GMDS: variants seen among roughly 807,000 people sequenced by gnomAD.
GMDS encodes GDP-mannose 4,6-dehydratase, also known as GDP-mannose 4,6 dehydratase.
Under a neutral mutation model 49.9 loss-of-function variants are expected in GMDS, and 20 were observed. The ratio of observed to expected loss-of-function variants is 0.40; its 90% confidence interval spans 0.28 to 0.58. The LOEUF is 0.58. Ranked by LOEUF, GMDS falls within the 20% of genes least tolerant of loss-of-function variation. GMDS has a pLI of 0.42. For missense variants in GMDS, 362 were observed against 481.4 expected (o/e 0.75, Z 2.32); for synonymous variants, 177 against 178.6 (o/e 0.99, Z 0.07).
intron 7 of GMDS, among the ~76,000 whole-genome samples, chr6:1,854,378 A>C (rs1033941714): frequency 5.3e-5 from 8 of 152,246 alleles, no homozygotes; most frequent in Non-Finnish European, 1.2e-4. Flanking sequence ...TGTTGTAAAC[A>C]CCAAAACACA....
In GMDS at chr6:1,784,748, G is replaced by A. The variant is rs142162875; in HGVS notation, c.772-42162C>T. Among the ~76,000 whole-genome samples, 612 of 152,266 alleles carry A rather than the reference G, an allele frequency of 4.0e-3. 3 individuals carry two copies. Among genetic ancestry groups the A allele is most frequent in the Non-Finnish European group, 6.0e-3 (410 of 68,014 alleles). On this transcript the variant is annotated intron_variant, in intron 7 of 10. Transcript: ENST00000380815. ...GTGTGGCTGGCTCATGCTTCTTTTG[G>A]ATGGAACACTGAACTAAGGCTGACC...
At chr6:2,190,837 G>A (rs1414999172) in intron 1 of GMDS, among the ~76,000 whole-genome samples, 3 of 152,162 alleles carry the variant, frequency 2.0e-5, no homozygotes, top group Admixed American at 1.3e-4. Flanking sequence ...GGCTGCAGGA[G>A]CAGCAATGGC....
chr6:1,760,502 G>C (rs1768116025), intron 7 of GMDS, among the ~76,000 whole-genome samples: 1 of 152,154 alleles, frequency 6.6e-6, no homozygotes, highest in Non-Finnish European at 1.5e-5. Context: ...TACACCAGAG[G>C]AGGAGGAGTA....
At chr6:2,080,407 T>C (rs1048769074) in intron 4 of GMDS, among the ~76,000 whole-genome samples, 1 of 152,202 alleles carries the variant, frequency 6.6e-6, no homozygotes, top group Non-Finnish European at 1.5e-5. Flanking sequence ...TGCATCCTTA[T>C]GTTGCTACTT....
In GMDS at chr6:2,065,332, G is replaced by A. The variant is rs566510875; in HGVS notation, c.345+50439C>T. ...ACCACAAAGACGGGGAAAAAACACA[G>A]CAGAAAAACTGGAAACTCTAAAAAG... On this transcript the variant is annotated intron_variant, in intron 4 of 10. Coordinates refer to ENST00000380815, the MANE Select transcript of GMDS (RefSeq NM_001500.4). Among the ~76,000 whole-genome samples, 174 of 152,222 alleles carry A rather than the reference G, an allele frequency of 1.1e-3. 2 individuals carry two copies. In the East Asian group the frequency reaches 0.018, roughly 16 times the overall value.
chr6:2,045,871 G>A (rs577805514), intron 4 of GMDS, among the ~76,000 whole-genome samples: 1 of 152,176 alleles, frequency 6.6e-6, no homozygotes, highest in Admixed American at 6.5e-5. Context: ...TGAAGGCTAC[G>A]GGTCACTAAA....
intron 4 of GMDS, among the ~76,000 whole-genome samples, chr6:1,987,035 C>T (rs1044410171): frequency 2.0e-5 from 3 of 152,106 alleles, no homozygotes; most frequent in African/African-American, 4.8e-5. Context: ...TTTGAGGCAA[C>T]GTTGTACCCT....
chr6:1,952,213 G>A (rs1163337739), intron 6 of GMDS: 2 of 153,714 alleles, frequency 1.3e-5, no homozygotes, highest in Non-Finnish European at 2.9e-5. Flanking sequence ...ACAGGTGGAT[G>A]TTAACTGGCT....
At chr6:1,822,203 A>C (rs1770930597) in intron 7 of GMDS, among the ~76,000 whole-genome samples, 1 of 152,222 alleles carries the variant, frequency 6.6e-6, no homozygotes, top group Non-Finnish European at 1.5e-5. Context: ...TTTCTGACCC[A>C]ACTCACATTT....
chr6:1,806,836 A>G (rs1770197503), intron 7 of GMDS, among the ~76,000 whole-genome samples: 1 of 152,188 alleles, frequency 6.6e-6, no homozygotes, highest in Non-Finnish European at 1.5e-5. Flanking sequence ...CTGAGTTGAC[A>G]GCCACTGCTC....
At chr6:1,780,734 G>A (rs918623242) in intron 7 of GMDS, among the ~76,000 whole-genome samples, 1 of 152,170 alleles carries the variant, frequency 6.6e-6, no homozygotes, top group Non-Finnish European at 1.5e-5. Context: ...TGCAGGGCTC[G>A]CTCACGCCAT....
At chr6:1,905,156 A>G (rs1251102410) in intron 7 of GMDS, among the ~76,000 whole-genome samples, 1 of 152,236 alleles carries the variant, frequency 6.6e-6, no homozygotes, top group Non-Finnish European at 1.5e-5. Context: ...GGCAGCGAGC[A>G]CTTATTCTCA....
At chr6:1,727,065 C>A (rs1379072978) in intron 8 of GMDS, among the ~76,000 whole-genome samples, 2 of 152,054 alleles carry the variant, frequency 1.3e-5, no homozygotes, top group South Asian at 4.1e-4. Context: ...TGGTGGGCCC[C>A]CTTAGTAAGT....
chr6:1,971,880 A>T (rs1250244807), intron 4 of GMDS, among the ~76,000 whole-genome samples: 2 of 152,234 alleles, frequency 1.3e-5, no homozygotes, highest in Non-Finnish European at 2.9e-5. Context: ...CTGTTCTCAC[A>T]GCACCCTCCA....
intron 6 of GMDS, among the ~76,000 whole-genome samples, chr6:1,947,560 T>G (rs1561914028): frequency 6.6e-6 from 1 of 152,200 alleles, no homozygotes; most frequent in Non-Finnish European, 1.5e-5. Context: ...CTTACTTGCA[T>G]ACCCTCATGG....
In GMDS at chr6:1,654,422, C is replaced by T. The variant is rs574537369; in HGVS notation, c.988-29882G>A. Among the ~76,000 whole-genome samples the T allele has an allele frequency of 2.3e-4, 35 of 152,304 alleles. 1 individual carries two copies. In the South Asian group the frequency reaches 3.1e-3, roughly 14 times the overall value. Reference sequence around the variant, plus strand: ...GTAATATTTGCTATGGAATATTATTCCTCCTTAAGGAGGAAGACAATTTTG... The same window carrying T: ...GTAATATTTGCTATGGAATATTATTTCTCCTTAAGGAGGAAGACAATTTTG... On this transcript the variant is annotated intron_variant, in intron 9 of 10. Transcript: ENST00000380815.
chr6:1,798,639 C>T (rs1769830820), intron 7 of GMDS, among the ~76,000 whole-genome samples: 2 of 152,188 alleles, frequency 1.3e-5, no homozygotes, highest in Non-Finnish European at 2.9e-5. Flanking sequence ...CAAGAGAAGG[C>T]AGAAGCCATC....
chr6:2,229,628 C>T (rs552536057), intron 1 of GMDS, among the ~76,000 whole-genome samples: 251 of 152,218 alleles, frequency 1.6e-3, no homozygotes, highest in African/African-American at 5.5e-3. Flanking sequence ...GGTCAGGAAT[C>T]AAACTCATGT....
chr6:2,091,080 A>C (rs1773290168), intron 4 of GMDS, among the ~76,000 whole-genome samples: 1 of 152,186 alleles, frequency 6.6e-6, no homozygotes, highest in Admixed American at 6.5e-5. Flanking sequence ...CTTGGTTTAT[A>C]GTATGGAAGA....
Sources: allele counts gnomAD v4.1 joint callset (sites outside exome capture counted in the v4.1 genomes callset), GRCh38; gene constraint gnomAD v4.1.1; transcripts MANE v1.5; gene names NCBI Gene and HGNC (gene_info 2026-07-23, HGNC 2026-07-21).